Variants in EML5 observed in about 807,000 individuals in gnomAD.
EML5 encodes the protein echinoderm microtubule-associated protein-like 5.
In EML5, 120 loss-of-function variants were observed where a neutral mutation model predicts 250.0. That is an observed-to-expected ratio of 0.48 (90% CI 0.41 to 0.56). EML5 has a LOEUF of 0.56. EML5 is among the 20% of genes least tolerant of loss of function. EML5 has a pLI of 0.00. For missense variants in EML5, 2,006 were observed against 2,437.6 expected, an observed-to-expected ratio of 0.82 and a Z score of 3.73; for synonymous variants, 771 against 806.5, an observed-to-expected ratio of 0.96 and a Z score of 0.75.
chr14:88,741,215 T>C (rs2093920758), intron 4 of EML5, among the ~76,000 whole-genome samples: 1 of 151,060 alleles, frequency 6.6e-6, no homozygotes, highest in Non-Finnish European at 1.5e-5. Flanking sequence ...GCAATGAAAA[T>C]GAAGGTAAGT....
At chr14:88,728,300 G>A (rs1156944395) in intron 7 of EML5, among the ~76,000 whole-genome samples, 1 of 151,720 alleles carries the variant, frequency 6.6e-6, no homozygotes, top group Non-Finnish European at 1.5e-5. Flanking sequence ...GAGATTTAAA[G>A]TACAGTTGAC....
intron 1 of EML5, among the ~76,000 whole-genome samples, chr14:88,755,467 C>A (rs1055047268): frequency 2.6e-5 from 4 of 152,038 alleles, no homozygotes; most frequent in African/African-American, 9.7e-5. Context: ...ACAGAAAGGT[C>A]ACCCATAATT....
At chr14:88,680,799 T>A (rs2092699297) in intron 21 of EML5, among the ~76,000 whole-genome samples, 1 of 152,004 alleles carries the variant, frequency 6.6e-6, no homozygotes, top group African/African-American at 2.4e-5. Context: ...TCCCACACCC[T>A]CAATCCAGAC....
At chr14:88,729,867 T>TTTC (rs1478230155) in intron 7 of EML5, among the ~76,000 whole-genome samples, 20 of 40,530 alleles carry the variant, frequency 4.9e-4, no homozygotes, top group African/African-American at 4.8e-3. Context: ...GGTCTTGTTT[T>TTTC]TTGTTTTTTT....
rs765131444 is a variant in EML5 at position 88,712,291 on chromosome 14, C to A, written c.1637G>T (p.Arg546Leu). 2 of 1,608,480 alleles carry A rather than the reference C, an allele frequency of 1.2e-6. No homozygotes were observed. The highest frequency in any genetic ancestry group is 2.7e-5 in the African/African-American group (2 of 74,742). The change falls in exon 10 of 44, where the codon CGA (arginine) becomes CTA (leucine). Residue 546 changes from arginine (R) to leucine (L), a missense_variant. This residue lies in a region of EML5 where 1,375 missense variants were observed against 1,590.3 expected (regional missense o/e 0.86). Coordinates refer to ENST00000554922, the MANE Select transcript of EML5 (RefSeq NM_183387.3). ...ADDYGIIKLF[R>L]YPCLRKGAKF... ...GGTACCTTTTCTTAAACATGGATAT[C>A]GGAATAATTTTATAATTCCATAGTC...
At chr14:88,740,890 CA>C (rs1023986732) in intron 4 of EML5, among the ~76,000 whole-genome samples, 44 of 152,308 alleles carry the variant, frequency 2.9e-4, no homozygotes, top group African/African-American at 1.1e-3. Flanking sequence ...AAGCCAGGCA[CA>C]GTGGCTCATG....
At chr14:88,725,373 C>CCGTGT (rs2093651281) in intron 8 of EML5, among the ~76,000 whole-genome samples, 1 of 152,092 alleles carries the variant, frequency 6.6e-6, no homozygotes, top group Non-Finnish European at 1.5e-5. Context: ...AAAGGGGAGT[C>CCGTGT]AGCACGTGTA....
intron 1 of EML5, among the ~76,000 whole-genome samples, chr14:88,770,820 C>A (rs57889459): frequency 1.3e-5 from 2 of 151,886 alleles, no homozygotes; most frequent in Non-Finnish European, 2.9e-5. Flanking sequence ...AGGGTATATT[C>A]CCATTCTAAA....
intron 7 of EML5, among the ~76,000 whole-genome samples, chr14:88,733,058 A>G (rs999457440): frequency 6.6e-6 from 1 of 152,244 alleles, no homozygotes. Flanking sequence ...CATTTGAACA[A>G]TTAATGCTAT....
chr14:88,707,144 T>C (rs955353962), intron 10 of EML5, among the ~76,000 whole-genome samples: 4 of 152,210 alleles, frequency 2.6e-5, no homozygotes, highest in African/African-American at 9.7e-5. Context: ...TGGTCAGTTC[T>C]ATCATTAGAG....
intron 12 of EML5, 141 bp from the exon 13 acceptor site, chr14:88,705,119 T>C (rs1172217630): frequency 3.3e-6 from 2 of 611,358 alleles, no homozygotes; most frequent in Non-Finnish European, 5.5e-6. Context: ...ATTCATGAAA[T>C]TTACTCCCTC....
intron 6 of EML5, among the ~76,000 whole-genome samples, chr14:88,738,270 T>C (rs981017866): frequency 1.3e-5 from 2 of 152,152 alleles, no homozygotes; most frequent in Non-Finnish European, 2.9e-5. Flanking sequence ...TTTATTCTTA[T>C]TCTCCTTATT....
chr14:88,711,089 C>T (rs2093397867), intron 10 of EML5, among the ~76,000 whole-genome samples: 1 of 152,110 alleles, frequency 6.6e-6, no homozygotes, highest in African/African-American at 2.4e-5. Context: ...TCTCACACTT[C>T]ATAACCAGGC....
At chr14:88,746,671 T>A (rs953674314) in intron 2 of EML5, among the ~76,000 whole-genome samples, 2 of 152,188 alleles carry the variant, frequency 1.3e-5, no homozygotes, top group African/African-American at 4.8e-5. Flanking sequence ...CTACACCTAC[T>A]GGACTCTAAA....
intron 21 of EML5, among the ~76,000 whole-genome samples, chr14:88,675,347 A>G (rs1199457570): frequency 6.6e-6 from 1 of 152,228 alleles, no homozygotes; most frequent in African/African-American, 2.4e-5. Flanking sequence ...CCAAACCTCA[A>G]TTCTTGACTT....
At chr14:88,694,201 T>C in intron 17 of EML5, 106 bp downstream of exon 17, 1 of 700,642 alleles carries the variant, frequency 1.4e-6, no homozygotes, top group Non-Finnish European at 2.5e-6. Context: ...GTGTTCCTGC[T>C]CTATTCCAGG....
intron 1 of EML5, among the ~76,000 whole-genome samples, chr14:88,772,752 C>CA (rs796136592): frequency 0.011 from 1,604 of 142,536 alleles, 25 homozygotes; most frequent in African/African-American, 0.038. Context: ...GACTCCATCT[C>CA]AAAAAAAAAA....
intron 39 of EML5, chr14:88,619,298 C>A (rs1034592362): frequency 2.6e-5 from 4 of 152,572 alleles, no homozygotes; most frequent in African/African-American, 9.6e-5. Context: ...CCAGGAGGCA[C>A]AGGTTGTGGT....
At chr14:88,702,362 A>G in intron 14 of EML5, 84 bp downstream of exon 14, 6 of 1,068,350 alleles carry the variant, frequency 5.6e-6, no homozygotes, top group Non-Finnish European at 6.5e-6. Context: ...ATATCCTAGA[A>G]CATAAAAGAG....
Sources: allele counts gnomAD v4.1 joint callset (sites outside exome capture counted in the v4.1 genomes callset), GRCh38; gene constraint gnomAD v4.1.1; regional missense constraint gnomAD v4.1.1; transcripts MANE v1.5; gene names NCBI Gene and HGNC (gene_info 2026-07-23, HGNC 2026-07-21).